The following NTM variants were observed in gnomAD, a reference collection of about 807,000 sequenced individuals.
The protein encoded by NTM is IgLON family member 2.
Under a neutral mutation model 42.1 loss-of-function variants are expected in NTM, and 13 were observed. The observed-to-expected ratio is 0.31, with a 90% confidence interval of 0.20 to 0.49. The LOEUF is 0.49. Ranked by LOEUF, NTM falls within the 20% of genes least tolerant of loss-of-function variation. The pLI, the probability that NTM is intolerant of heterozygous loss-of-function variation, is 0.99. For missense variants in NTM, 373 were observed against 452.8 expected, an observed-to-expected ratio of 0.82 and a Z score of 1.60; for synonymous variants, 187 against 179.2, an observed-to-expected ratio of 1.04 and a Z score of -0.35.
At position 132,335,855 on chromosome 11, in the gene NTM, A is replaced by G. The variant is rs2095868602; in HGVS notation, c.*709A>G. On this transcript the variant is annotated 3_prime_UTR_variant, in exon 9 of 9. Coordinates refer to ENST00000683400, the MANE Select transcript of NTM (RefSeq NM_001352005.2). The stretch of plus-strand genomic sequence containing the variant: ...GAACTTACTGCAAAAACAAGACAAA[A>G]CTAAAAAAATACAACTGAGAAGGGT... 1 of 152,594 alleles carries G rather than the reference A, an allele frequency of 6.6e-6. No individual in the cohort carries two copies. Among genetic ancestry groups the G allele is most frequent in the Admixed American group, 6.5e-5 (1 of 15,280 alleles). 9.5% of individuals were successfully genotyped at this position (152,594 alleles called of 1,614,324 possible).
chr11:132,264,062 T>C (rs2093031320), intron 4 of NTM, among the ~76,000 whole-genome samples: 1 of 152,196 alleles, frequency 6.6e-6, no homozygotes, highest in South Asian at 2.1e-4. Flanking sequence ...TTTTAAATGT[T>C]TATATTGCCA....
At chr11:132,174,801 C>G (rs1348529321) in intron 3 of NTM, among the ~76,000 whole-genome samples, 2 of 152,062 alleles carry the variant, frequency 1.3e-5, no homozygotes, top group African/African-American at 4.8e-5. Flanking sequence ...TTCAACGCCT[C>G]AGAGTTCATT....
chr11:132,093,795 C>T (rs1394661525), intron 2 of NTM, among the ~76,000 whole-genome samples: 2 of 152,150 alleles, frequency 1.3e-5, no homozygotes, highest in Non-Finnish European at 2.9e-5. Context: ...ACTAGTACTA[C>T]TCTTGGGTTA....
At chr11:132,193,837 C>A (rs2079706629) in intron 3 of NTM, among the ~76,000 whole-genome samples, 1 of 152,112 alleles carries the variant, frequency 6.6e-6, no homozygotes, top group Admixed American at 6.5e-5. Context: ...ATTAAAAACA[C>A]TTCTATGCAC....
At chr11:132,262,927 G>A (rs751863134) in intron 4 of NTM, among the ~76,000 whole-genome samples, 34 of 152,132 alleles carry the variant, frequency 2.2e-4, no homozygotes, top group Non-Finnish European at 8.8e-5. Flanking sequence ...AACAAGTTAT[G>A]TATTTCCAAA....
At chr11:132,327,271 G>A (rs1458683288) in intron 7 of NTM, among the ~76,000 whole-genome samples, 1 of 152,152 alleles carries the variant, frequency 6.6e-6, no homozygotes, top group Non-Finnish European at 1.5e-5. Flanking sequence ...TTATCTCCTG[G>A]GCATTAAGTC....
intron 4 of NTM, among the ~76,000 whole-genome samples, chr11:132,300,230 T>C (rs2094793574): frequency 1.3e-5 from 2 of 152,206 alleles, no homozygotes; most frequent in Admixed American, 1.3e-4. Context: ...ATCATGTGTA[T>C]TAAAAATGTG....
intron 2 of NTM, among the ~76,000 whole-genome samples, chr11:131,913,190 G>A (rs749969363): frequency 1.3e-5 from 2 of 152,196 alleles, no homozygotes; most frequent in South Asian, 4.1e-4. Flanking sequence ...TAAATGTCTA[G>A]AGCAGTAATA....
At chr11:132,228,267 T>G (rs1264005788) in intron 4 of NTM, among the ~76,000 whole-genome samples, 1 of 152,130 alleles carries the variant, frequency 6.6e-6, no homozygotes, top group Non-Finnish European at 1.5e-5. Flanking sequence ...TCTGTGAACA[T>G]CCCTGCTGCC....
At chr11:131,457,951 C>T (rs1951047400) in intron 1 of NTM, among the ~76,000 whole-genome samples, 1 of 152,188 alleles carries the variant, frequency 6.6e-6, no homozygotes, top group Admixed American at 6.5e-5. Context: ...TCAGCTCTGA[C>T]TTCCAGCCTC....
At chr11:131,918,899 C>A (rs1335892304) in intron 2 of NTM, among the ~76,000 whole-genome samples, 1 of 152,170 alleles carries the variant, frequency 6.6e-6, no homozygotes, top group African/African-American at 2.4e-5. Flanking sequence ...ACTCTTATTC[C>A]AGGTTCTTCC....
At chr11:132,190,766 C>G (rs1030900480) in intron 3 of NTM, among the ~76,000 whole-genome samples, 4 of 149,726 alleles carry the variant, frequency 2.7e-5, no homozygotes, top group African/African-American at 9.8e-5. Flanking sequence ...AGACAGATAG[C>G]AGATCAGGGA....
chr11:131,792,830 T>C (rs964183181), intron 1 of NTM, among the ~76,000 whole-genome samples: 1 of 152,238 alleles, frequency 6.6e-6, no homozygotes. Context: ...TTTAAAAAGG[T>C]TTGTTTTCTG....
Position 131,451,691 on chromosome 11 carries a change from G to A in NTM, c.82+80803G>A, listed in dbSNP as rs7113495. On this transcript the variant is annotated intron_variant, in intron 1 of 8. Transcript: ENST00000683400. ...TTGTGGATGATAGACCAAATGACAG[G>A]GAGGCTCTAGCGGCAGAGGTGAGAT... Among the ~76,000 whole-genome samples, 1,376 of 152,268 alleles carry A rather than the reference G, an allele frequency of 9.0e-3. 25 individuals carry two copies. The highest frequency in any genetic ancestry group is 0.032 in the African/African-American group (1,316 of 41,548).
At chr11:131,815,346 G>A (rs1038759461) in intron 1 of NTM, among the ~76,000 whole-genome samples, 18 of 152,230 alleles carry the variant, frequency 1.2e-4, no homozygotes, top group South Asian at 8.3e-4. Context: ...TGCTGGGCCA[G>A]CTTCCCCACC....
chr11:131,766,749 G>A (rs528778813), intron 1 of NTM, among the ~76,000 whole-genome samples: 1 of 152,084 alleles, frequency 6.6e-6, no homozygotes, highest in Non-Finnish European at 1.5e-5. Context: ...ATTATTTATA[G>A]CAAGGCGTTC....
intron 4 of NTM, among the ~76,000 whole-genome samples, chr11:132,227,844 G>A (rs114973594): frequency 0.016 from 2,400 of 152,156 alleles, 61 homozygotes; most frequent in African/African-American, 0.053. Flanking sequence ...GATAGTTGTG[G>A]CACTTACGGG....
intron 2 of NTM, among the ~76,000 whole-genome samples, chr11:132,130,397 T>G (rs1347903073): frequency 6.6e-6 from 1 of 152,130 alleles, no homozygotes; most frequent in Non-Finnish European, 1.5e-5. Flanking sequence ...CTCTGCCTTG[T>G]TTTTTTAATT....
chr11:131,614,506 A>G (rs1294221263), intron 1 of NTM, among the ~76,000 whole-genome samples: 1 of 152,170 alleles, frequency 6.6e-6, no homozygotes, highest in African/African-American at 2.4e-5. Flanking sequence ...CAAAGCTGTG[A>G]GGGGACTAGA....
Sources: gnomAD v4.1 joint callset for allele counts (sites outside exome capture counted in the v4.1 genomes callset) on GRCh38, gnomAD v4.1.1 for gene constraint, MANE v1.5 for transcripts, NCBI Gene and HGNC (gene_info 2026-07-23, HGNC 2026-07-21) for gene names.